The following NTM variants were observed in gnomAD, a reference collection of about 807,000 sequenced individuals.
NTM encodes neurotrimin.
NTM carries 13 observed loss-of-function variants against 42.1 expected under a neutral mutation model. The ratio of observed to expected loss-of-function variants is 0.31; its 90% CI spans 0.20 to 0.49. The LOEUF (loss-of-function observed/expected upper bound fraction) is 0.49, where lower values mean the gene tolerates loss of function less well. NTM is among the 20% of genes least tolerant of loss of function. The pLI is 0.99. For missense variants in NTM, 373 were observed against 452.8 expected (o/e 0.82, Z 1.60); for synonymous variants, 187 against 179.2 (o/e 1.04, Z -0.35).
chr11:132,259,282 A>G (rs570531226), intron 4 of NTM, among the ~76,000 whole-genome samples: 69 of 152,314 alleles, frequency 4.5e-4, no homozygotes, highest in African/African-American at 1.6e-3. Flanking sequence ...AAAAGAAAAA[A>G]AAAGACCTTG....
At chr11:131,518,047 G>A (rs750013894) in intron 1 of NTM, among the ~76,000 whole-genome samples, 54 of 152,052 alleles carry the variant, frequency 3.6e-4, no homozygotes, top group Non-Finnish European at 6.5e-4. Context: ...GTTTTCACAC[G>A]CATAACCCCA....
At chr11:132,316,967 A>C (rs181916802) in intron 7 of NTM, among the ~76,000 whole-genome samples, 1 of 152,348 alleles carries the variant, frequency 6.6e-6, no homozygotes, top group Non-Finnish European at 1.5e-5. Context: ...TTCTTGATGA[A>C]GTTAGAAAGG....
intron 1 of NTM, among the ~76,000 whole-genome samples, chr11:131,440,034 A>T (rs1003776714): frequency 7.5e-6 from 1 of 133,572 alleles, no homozygotes; most frequent in Non-Finnish European, 1.6e-5. Context: ...TTTATTTTTT[A>T]ATTTTCTCCT....
intron 1 of NTM, among the ~76,000 whole-genome samples, chr11:131,644,810 T>A (rs975019315): frequency 6.6e-6 from 1 of 151,222 alleles, no homozygotes; most frequent in African/African-American, 2.4e-5. Context: ...AGTTTTGTTT[T>A]GTTTTGTTTT....
chr11:132,090,461 A>T (rs2060249343), intron 2 of NTM, among the ~76,000 whole-genome samples: 1 of 152,026 alleles, frequency 6.6e-6, no homozygotes, highest in African/African-American at 2.4e-5. Flanking sequence ...CATGCCCAGT[A>T]ACTTCATCTG....
chr11:132,208,573 A>T (rs574311692), intron 3 of NTM, among the ~76,000 whole-genome samples: 1 of 152,166 alleles, frequency 6.6e-6, no homozygotes, highest in Non-Finnish European at 1.5e-5. Context: ...CATTTAATAT[A>T]CTTACTGCAC....
At chr11:131,931,977 C>T (rs1027325515) in intron 2 of NTM, among the ~76,000 whole-genome samples, 4 of 152,208 alleles carry the variant, frequency 2.6e-5, no homozygotes, top group Non-Finnish European at 4.4e-5. Context: ...CCCACCACGG[C>T]GGTGCCTCGA....
chr11:131,586,113 C>T (rs889326565), intron 1 of NTM, among the ~76,000 whole-genome samples: 1 of 151,044 alleles, frequency 6.6e-6, no homozygotes, highest in Admixed American at 6.6e-5. Flanking sequence ...TTAGTTTTTC[C>T]TTTTTTTTTG....
intron 1 of NTM, among the ~76,000 whole-genome samples, chr11:131,774,360 T>C (rs925833220): frequency 2.0e-5 from 3 of 152,162 alleles, no homozygotes; most frequent in Admixed American, 6.5e-5. Flanking sequence ...TTCACAGTAA[T>C]CCTTGACTTT....
intron 1 of NTM, among the ~76,000 whole-genome samples, chr11:131,555,427 T>C (rs1404096036): frequency 6.6e-6 from 1 of 152,176 alleles, no homozygotes; most frequent in African/African-American, 2.4e-5. Flanking sequence ...GTGAAAATCA[T>C]GGAAACCCAT....
intron 1 of NTM, among the ~76,000 whole-genome samples, chr11:131,756,583 G>A (rs2083370332): frequency 6.6e-6 from 1 of 152,106 alleles, no homozygotes; most frequent in Non-Finnish European, 1.5e-5. Flanking sequence ...AGCTACTGGG[G>A]AGGCTGAGGT....
At chr11:132,292,636 C>T (rs1254732022) in intron 4 of NTM, among the ~76,000 whole-genome samples, 1 of 151,044 alleles carries the variant, frequency 6.6e-6, no homozygotes, top group East Asian at 1.9e-4. Flanking sequence ...ACAGCAGACA[C>T]AGAGGAGACA....
chr11:132,272,292 A>C (rs1591656915), intron 4 of NTM, among the ~76,000 whole-genome samples: 1 of 152,196 alleles, frequency 6.6e-6, no homozygotes, highest in East Asian at 1.9e-4. Context: ...TTATAGTGAT[A>C]TTTGGAATCT....
intron 1 of NTM, among the ~76,000 whole-genome samples, chr11:131,432,955 T>C (rs1344096660): frequency 6.8e-6 from 1 of 146,104 alleles, no homozygotes; most frequent in Non-Finnish European, 1.5e-5. Flanking sequence ...CCCTGGTTCA[T>C]GCCATTCTCC....
chr11:131,487,136 T>A (rs1387612016), intron 1 of NTM, among the ~76,000 whole-genome samples: 1 of 152,210 alleles, frequency 6.6e-6, no homozygotes, highest in Non-Finnish European at 1.5e-5. Context: ...TTCTGATGCC[T>A]ATGCTGCCAT....
At chr11:131,748,234 C>T (rs1565496793) in intron 1 of NTM, among the ~76,000 whole-genome samples, 2 of 152,324 alleles carry the variant, frequency 1.3e-5, no homozygotes, top group African/African-American at 2.4e-5. Context: ...CTTGGTTAGG[C>T]GTCCAGGTCA....
intron 2 of NTM, among the ~76,000 whole-genome samples, chr11:132,067,229 C>T (rs2056648282): frequency 6.6e-6 from 1 of 152,226 alleles, no homozygotes; most frequent in African/African-American, 2.4e-5. Flanking sequence ...GATGACCAGG[C>T]ATGAGCCACT....
chr11:131,586,558 T>A (rs376233161), intron 1 of NTM, among the ~76,000 whole-genome samples: 81 of 152,268 alleles, frequency 5.3e-4, no homozygotes, highest in African/African-American at 1.9e-3. Context: ...AGACTTTAGA[T>A]GAGACCACAG....
intron 3 of NTM, among the ~76,000 whole-genome samples, chr11:132,194,236 T>C (rs1331712510): frequency 6.6e-6 from 1 of 152,056 alleles, no homozygotes; most frequent in Non-Finnish European, 1.5e-5. Flanking sequence ...CTAGCAAACC[T>C]AATCCAGCAA....
Sources: gnomAD v4.1 joint callset for allele counts (sites outside exome capture counted in the v4.1 genomes callset) on GRCh38, gnomAD v4.1.1 for gene constraint, MANE v1.5 for transcripts, NCBI Gene and HGNC (gene_info 2026-07-23, HGNC 2026-07-21) for gene names.